PASD1: variants seen among roughly 807,000 people sequenced by gnomAD.
PASD1 encodes circadian clock protein PASD1.
A neutral mutation model predicts 58.8 loss-of-function variants in PASD1; 13 were observed. The observed-to-expected ratio is 0.22, with a 90% CI of 0.14 to 0.35. The LOEUF (loss-of-function observed/expected upper bound fraction) is 0.35, where lower values mean the gene tolerates loss of function less well. Ranked by LOEUF, PASD1 falls within the 10% of genes least tolerant of loss-of-function variation. PASD1 has a pLI of 1.00. For missense variants in PASD1, 734 were observed against 568.3 expected (o/e 1.29, Z -2.96); for synonymous variants, 236 against 216.7 (o/e 1.09, Z -0.78).
Position 151,671,120 on chromosome X carries a change from A to C in PASD1, c.1154A>C (p.Glu385Ala), listed in dbSNP as rs1413637754. Residue 385 changes from glutamate to alanine, a missense_variant, in exon 12 of 16, where the codon GAA (glutamate) becomes GCA (alanine). Physicochemically the swap from Glu to Ala is moderately radical, Grantham distance 107. Transcript: ENST00000370357. ...ATGAAGAAGTTGAAGGAGCAGCTAG[A>C]AGAGAGGACTTGGTTGCTGCATGAT... ...ELMKKLKEQL[E>A]ERTWLLHDAI... is the part of the protein sequence containing the mutation. The C allele has an allele frequency of 8.3e-7, 1 of 1,211,900 alleles. No individual in the cohort carries two copies. The highest frequency in any genetic ancestry group is 1.1e-6 in the Non-Finnish European group (1 of 895,466).
chrX:151,565,680 G>T (rs376390585), intron 1 of PASD1, among the ~76,000 whole-genome samples: 54 of 107,022 alleles, frequency 5.0e-4, no homozygotes, highest in African/African-American at 1.8e-3. Context: ...GCCTCAGCCT[G>T]CCAAGTAGCT....
chrX:151,635,106 GC>G (rs1209861782), intron 8 of PASD1, among the ~76,000 whole-genome samples: 1 of 111,051 alleles, frequency 9.0e-6, no homozygotes, highest in Non-Finnish European at 1.9e-5. Flanking sequence ...CTCAGAATTG[GC>G]CAGTGGGAGC....
In PASD1 at chrX:151,653,868, C is replaced by CTTTCTT. The variant is rs2014192638; in HGVS notation, c.717+5167_717+5168insTTCTTT. On this transcript the variant is annotated intron_variant, in intron 9 of 15. Transcript: ENST00000370357. ...CTTCCCTCCCTCCCTCCCTCCCTCCCTCTTTCTTTCTTTCTTTCTTTCTTT... is the reference window on the plus strand; with the variant it reads ...CTTCCCTCCCTCCCTCCCTCCCTCCCTTTCTTTCTTTCTTTCTTTCTTTCTTTCTTT... 4.3e-4 allele frequency among the ~76,000 whole-genome samples: 7 copies of CTTTCTT among 16,457 alleles called. 1 individual carries two copies. Among genetic ancestry groups the CTTTCTT allele is most frequent in the African/African-American group, 1.3e-3 (6 of 4,583 alleles). 14.3% of individuals were successfully genotyped at this position (16,457 alleles called of 115,157 possible). A position where few individuals can be genotyped will look rare whatever the true frequency, so the allele number is the denominator to read the frequency against.
At chrX:151,568,057 T>C (rs1464637646) in intron 1 of PASD1, among the ~76,000 whole-genome samples, 1 of 112,154 alleles carries the variant, frequency 8.9e-6, no homozygotes, top group African/African-American at 3.2e-5. Flanking sequence ...AAATACAAAC[T>C]ACCTTTGACG....
intron 8 of PASD1, among the ~76,000 whole-genome samples, chrX:151,628,018 T>A (rs1249578485): frequency 1.8e-5 from 2 of 112,059 alleles, no homozygotes; most frequent in African/African-American, 3.2e-5. Context: ...GAGAAGTGTC[T>A]GTTCATATCC....
intron 11 of PASD1, among the ~76,000 whole-genome samples, chrX:151,666,192 T>A (rs1177292337): frequency 9.1e-6 from 1 of 109,768 alleles, no homozygotes; most frequent in Non-Finnish European, 1.9e-5. Context: ...ATGTTGTAAA[T>A]TCTTTATCGA....
intron 8 of PASD1, among the ~76,000 whole-genome samples, chrX:151,637,766 G>T (rs373550845): frequency 9.0e-6 from 1 of 111,405 alleles, no homozygotes; most frequent in Non-Finnish European, 1.9e-5. Flanking sequence ...ATTGAATTAT[G>T]GTTTTAATTT....
chrX:151,586,602 G>A (rs186805230), intron 1 of PASD1, among the ~76,000 whole-genome samples: 2 of 111,547 alleles, frequency 1.8e-5, no homozygotes, highest in African/African-American at 6.5e-5. Context: ...CTCAGTAAAT[G>A]TTGGTTATTT....
At chrX:151,614,265 G>A (rs1443064316) in intron 4 of PASD1, among the ~76,000 whole-genome samples, 2 of 111,612 alleles carry the variant, frequency 1.8e-5, no homozygotes, top group East Asian at 2.8e-4. Flanking sequence ...GATTAAAAGC[G>A]TGAGCCACCA....
intron 1 of PASD1, chrX:151,578,468 C>A (rs1042742458): frequency 8.9e-6 from 1 of 112,347 alleles, no homozygotes; most frequent in Non-Finnish European, 1.9e-5. Flanking sequence ...TGTCAAACTT[C>A]TTATGACAAC....
chrX:151,633,045 G>A (rs1200391232), intron 8 of PASD1, among the ~76,000 whole-genome samples: 1 of 111,928 alleles, frequency 8.9e-6, no homozygotes, highest in East Asian at 2.8e-4. Context: ...GAACATAGCA[G>A]ACAGTCATGA....
intron 15 of PASD1, 58 bp downstream of exon 15, chrX:151,674,244 C>A: frequency 8.4e-7 from 1 of 1,185,045 alleles, no homozygotes; most frequent in South Asian, 1.8e-5. Flanking sequence ...TTCTGGGCCC[C>A]TTCCACATAA....
At chrX:151,585,285 C>T (rs2013149356) in intron 1 of PASD1, among the ~76,000 whole-genome samples, 1 of 111,940 alleles carries the variant, frequency 8.9e-6, no homozygotes, top group African/African-American at 3.2e-5. Context: ...CTTTCTGTGA[C>T]TCAGTTTTTT....
chrX:151,657,438 C>G (rs1344936481), intron 9 of PASD1, among the ~76,000 whole-genome samples: 6 of 111,506 alleles, frequency 5.4e-5, no homozygotes, highest in Non-Finnish European at 1.1e-4. Context: ...GGAATGGTAC[C>G]AGCTCCTCCT....
intron 1 of PASD1, among the ~76,000 whole-genome samples, chrX:151,570,388 G>A (rs1200739398): frequency 8.9e-6 from 1 of 111,947 alleles, no homozygotes; most frequent in Non-Finnish European, 1.9e-5. Context: ...GTAGAATTAT[G>A]CTTGTGTTGT....
rs745913928 is a variant in PASD1 at position 151,648,665 on chromosome X, A to G, written c.680A>G (p.Glu227Gly). Residue 227 changes from glutamate to glycine, a missense_variant, in exon 9 of 16, where the codon GAA (glutamate) becomes GGA (glycine). Coordinates refer to ENST00000370357, the MANE Select transcript of PASD1 (RefSeq NM_173493.3). ...ACTAGCATGAAAGCCGTGTACGTTG[A>G]ACCCGCTGCTGCTGCTGCTGCTGCT... ...GHTSMKAVYV[E>G]PAAAAAAAAI... 2.9e-5 allele frequency: 35 copies of G among 1,209,713 alleles called. No homozygotes were observed. Among genetic ancestry groups the G allele is most frequent in the African/African-American group, 3.5e-5 (2 of 57,058 alleles).
At chrX:151,669,754 A>G (rs1329098590) in intron 11 of PASD1, among the ~76,000 whole-genome samples, 1 of 112,128 alleles carries the variant, frequency 8.9e-6, no homozygotes, top group Non-Finnish European at 1.9e-5. Flanking sequence ...ATAATATTCT[A>G]TTCTGTATAT....
intron 1 of PASD1, among the ~76,000 whole-genome samples, chrX:151,593,083 T>C (rs2013270965): frequency 9.0e-6 from 1 of 110,995 alleles, no homozygotes; most frequent in African/African-American, 3.3e-5. Flanking sequence ...CCTTTATCAT[T>C]ATGAAATGTC....
chrX:151,671,484 G>C, intron 12 of PASD1, 89 bp from the exon 13 acceptor site: 1 of 1,043,802 alleles, frequency 9.6e-7, no homozygotes, highest in Non-Finnish European at 1.3e-6. Flanking sequence ...CTTGCCTGTG[G>C]GCAGTCCTGC....
Sources: gnomAD v4.1 joint callset for allele counts (sites outside exome capture counted in the v4.1 genomes callset) on GRCh38, gnomAD v4.1.1 for gene constraint, MANE v1.5 for transcripts, NCBI Gene and HGNC (gene_info 2026-07-23, HGNC 2026-07-21) for gene names.